The following ZNF333 variants were observed in gnomAD, a reference collection of about 807,000 sequenced individuals.
ZNF333 encodes the protein zinc finger protein 333.
A neutral mutation model predicts 76.1 loss-of-function variants in ZNF333; 61 were observed. The ratio of observed to expected loss-of-function variants is 0.80; its 90% CI spans 0.65 to 0.99. The LOEUF is 0.99. Ranked by LOEUF, ZNF333 falls within the 50% of genes least tolerant of loss-of-function variation. ZNF333 has a pLI of 0.00. For missense variants in ZNF333, 717 were observed against 822.4 expected (o/e 0.87, Z 1.57); for synonymous variants, 284 against 305.0 (o/e 0.93, Z 0.72).
chr19:14,714,251 G>A (rs1032555239), intron 7 of ZNF333, among the ~76,000 whole-genome samples: 4 of 152,136 alleles, frequency 2.6e-5, no homozygotes, highest in South Asian at 2.1e-4. Flanking sequence ...TTGGAAATAG[G>A]GTCTTTGCAG....
intron 5 of ZNF333, among the ~76,000 whole-genome samples, chr19:14,700,783 A>G (rs2041933259): frequency 6.6e-6 from 1 of 152,140 alleles, no homozygotes; most frequent in African/African-American, 2.4e-5. Context: ...GGTCAGTGAG[A>G]ACCCCGGGAT....
In ZNF333 at chr19:14,704,840, C is replaced by T. The variant is rs370594551; in HGVS notation, c.307-214C>T. Among the ~76,000 whole-genome samples the T allele has an allele frequency of 7.3e-4, 111 of 152,336 alleles. 1 individual carries two copies. Among genetic ancestry groups the T allele is most frequent in the African/African-American group, 2.5e-3 (104 of 41,588 alleles). On this transcript the variant is annotated intron_variant, in intron 5 of 11. Coordinates refer to ENST00000292530, the MANE Select transcript of ZNF333 (RefSeq NM_032433.4). ...GAGCCAAACCATATCAATGGGGCTT[C>T]GCCATGTTGGCCAGGCTGCTCTTGA...
Position 14,721,000 on chromosome 19 carries a change from T to C in ZNF333, c.*1675T>C, listed in dbSNP as rs2042572932. 1 of 898,962 alleles carries C rather than the reference T, an allele frequency of 1.1e-6. No homozygotes were observed. Among genetic ancestry groups the C allele is most frequent in the Admixed American group, 6.2e-5 (1 of 16,166 alleles). The allele number at this position is 898,962 out of a possible 1,614,324, so 55.7% of individuals were successfully genotyped here. On this transcript the variant is annotated 3_prime_UTR_variant, in exon 12 of 12. Coordinates refer to ENST00000292530, the MANE Select transcript of ZNF333 (RefSeq NM_032433.4). The stretch of plus-strand genomic sequence containing the variant: ...TATTCTTATAAAGTGATCATCCTTT[T>C]CCCTATTACTGAACATTCAACCATT...
intron 11 of ZNF333, among the ~76,000 whole-genome samples, chr19:14,729,055 C>T (rs763605880): frequency 1.1e-4 from 17 of 152,184 alleles, no homozygotes; most frequent in East Asian, 5.8e-4. Flanking sequence ...AGGGGTGGAA[C>T]GGGTGCAGAA....
At chr19:14,707,545 G>A (rs1425871084) in intron 7 of ZNF333, among the ~76,000 whole-genome samples, 2 of 126,392 alleles carry the variant, frequency 1.6e-5, no homozygotes, top group East Asian at 2.5e-4. Context: ...AATAAGCTTT[G>A]TTTCTTTTTT....
chr19:14,731,218 T>C, exon 12 of ZNF333: 2 of 1,532,050 alleles, frequency 1.3e-6, no homozygotes, highest in Non-Finnish European at 1.7e-6. Flanking sequence ...AGTACTCTCT[T>C]GCATGTTCAG....
chr19:14,693,555 T>A, intron 2 of ZNF333, 61 bp downstream of exon 2: 1 of 1,544,832 alleles, frequency 6.5e-7, no homozygotes, highest in Non-Finnish European at 8.8e-7. Flanking sequence ...CTATGTCCTC[T>A]GGGCCCTGTC....
At chr19:14,716,785 A>G (rs568966861) in intron 9 of ZNF333, among the ~76,000 whole-genome samples, 2 of 152,322 alleles carry the variant, frequency 1.3e-5, no homozygotes, top group Non-Finnish European at 2.9e-5. Context: ...TTGGTTTTGT[A>G]GACCGGAGAG....
chr19:14,691,918 C>T (rs1721122949), intron 1 of ZNF333, among the ~76,000 whole-genome samples: 1 of 151,650 alleles, frequency 6.6e-6, no homozygotes, highest in Admixed American at 6.6e-5. Context: ...CTCAGGTGAT[C>T]CACCCGCCTC....
In ZNF333 at chr19:14,720,696, A is replaced by G. The variant is rs1394742278; in HGVS notation, c.*1371A>G. On this transcript the variant is annotated 3_prime_UTR_variant, in exon 12 of 12. Coordinates refer to ENST00000292530, the MANE Select transcript of ZNF333 (RefSeq NM_032433.4). ...ATATGTCAGTTTTTATAAATGCTTC[A>G]TGGATGGTTGAAATCAATGTATTGT... 1.0e-6 allele frequency: 1 copy of G among 985,304 alleles called. No homozygotes were observed. The highest frequency in any genetic ancestry group is 1.7e-5 in the African/African-American group (1 of 57,232). 61.0% of individuals were successfully genotyped at this position (985,304 alleles called of 1,614,324 possible).
chr19:14,716,040 C>CCAG, intron 8 of ZNF333, 72 bp from the exon 9 acceptor site: 1 of 1,593,286 alleles, frequency 6.3e-7, no homozygotes, highest in South Asian at 1.1e-5. Context: ...CCCAGGCTTG[C>CCAG]CAGCCTCCAG....
intron 7 of ZNF333, among the ~76,000 whole-genome samples, chr19:14,714,127 A>G (rs1164495952): frequency 6.6e-6 from 1 of 152,176 alleles, no homozygotes; most frequent in East Asian, 1.9e-4. Flanking sequence ...TAGATAGCCC[A>G]TGATAGGGAA....
chr19:14,712,504 A>C (rs2042306691), intron 7 of ZNF333, among the ~76,000 whole-genome samples: 1 of 152,150 alleles, frequency 6.6e-6, no homozygotes, highest in African/African-American at 2.4e-5. Flanking sequence ...TACAGGTGTG[A>C]GCCACTGTGC....
rs1374352095 is a variant in ZNF333, at chr19:14,715,431, A to G, written c.561A>G (p.Glu187=). ...PAWLQEDKVE[E]EAMAPGLPTA... is the part of the protein sequence containing the mutation. ...GGCTTCAGGAGGACAAAGTGGAGGA[A>G]GAAGCTATGGCTCCTGGGCTGCCAA... Residue 187 remains glutamate, a synonymous_variant, in exon 8 of 12, where the codon GAA becomes GAG. Coordinates refer to ENST00000292530, the MANE Select transcript of ZNF333 (RefSeq NM_032433.4). 2 of 1,614,068 alleles carry G rather than the reference A, an allele frequency of 1.2e-6. No homozygotes were observed. Among genetic ancestry groups the G allele is most frequent in the Admixed American group, 3.3e-5 (2 of 60,018 alleles).
In ZNF333 at chr19:14,730,764, G is replaced by A. The variant is rs75111456; in HGVS notation, c.901-411G>A. On this transcript the variant is annotated intron_variant, in intron 11 of 11. Coordinates refer to the ZNF333 transcript ENST00000540689. ...TGGGGTACAAATGAATCCAGTTAGT[G>A]AGCATAGTACCTGATAGGTAGTTTT... is the stretch of plus-strand genomic sequence containing the variant. Among the ~76,000 whole-genome samples the A allele has an allele frequency of 2.6e-5, 4 of 151,758 alleles. No homozygotes were observed. The East Asian group carries it at 7.7e-4, about 29-fold the overall frequency.
chr19:14,712,229 T>C (rs2042298404), intron 7 of ZNF333, among the ~76,000 whole-genome samples: 1 of 151,790 alleles, frequency 6.6e-6, no homozygotes, highest in African/African-American at 2.4e-5. Flanking sequence ...ATGAGTGTTT[T>C]TTTTTTTTAA....
intron 4 of ZNF333, among the ~76,000 whole-genome samples, chr19:14,697,442 G>A (rs1366745394): frequency 6.9e-6 from 1 of 144,838 alleles, no homozygotes; most frequent in Non-Finnish European, 1.5e-5. Flanking sequence ...GGTCACTGCA[G>A]CCTCAGCCTT....
intron 7 of ZNF333, among the ~76,000 whole-genome samples, chr19:14,714,392 G>A (rs1195609397): frequency 1.1e-4 from 17 of 152,114 alleles, no homozygotes; most frequent in Admixed American, 1.1e-3. Context: ...GGCAGACATT[G>A]GAGTGATGCA....
chr19:14,694,513 G>A (rs2146949000), intron 2 of ZNF333, among the ~76,000 whole-genome samples: 1 of 152,126 alleles, frequency 6.6e-6, no homozygotes, highest in Non-Finnish European at 1.5e-5. Flanking sequence ...CAGATGCAAT[G>A]GAAGTCCTAC....
Sources: gnomAD v4.1 joint callset for allele counts (sites outside exome capture counted in the v4.1 genomes callset) on GRCh38, gnomAD v4.1.1 for gene constraint, MANE v1.5 for transcripts, NCBI Gene and HGNC (gene_info 2026-07-23, HGNC 2026-07-21) for gene names.